RHOJ: variants seen among roughly 807,000 people sequenced by gnomAD.
RHOJ encodes rho-related GTP-binding protein RhoJ.
Under a neutral mutation model 23.4 loss-of-function variants are expected in RHOJ, and 11 were observed. That is an observed-to-expected ratio of 0.47 (90% CI 0.30 to 0.78). RHOJ has a LOEUF of 0.78. Among genes scored for constraint, RHOJ ranks in the 30% least tolerant of loss-of-function variants. The pLI, the probability that RHOJ is intolerant of heterozygous loss-of-function variation, is 0.08. For synonymous variants in RHOJ, 102 were observed against 102.7 expected, an observed-to-expected ratio of 0.99 and a Z score of 0.04; for missense variants, 254 against 273.4, an observed-to-expected ratio of 0.93 and a Z score of 0.50.
chr14:63,253,557 T>G (rs1486995070), intron 1 of RHOJ, among the ~76,000 whole-genome samples: 2 of 152,188 alleles, frequency 1.3e-5, no homozygotes, highest in African/African-American at 4.8e-5. Flanking sequence ...AATCATTTGC[T>G]TAGTTATTTT....
intron 1 of RHOJ, among the ~76,000 whole-genome samples, chr14:63,256,168 G>A (rs1427098958): frequency 2.0e-5 from 3 of 152,136 alleles, no homozygotes; most frequent in Non-Finnish European, 4.4e-5. Flanking sequence ...AGGATTACAG[G>A]TGTGAGCTAC....
chr14:63,273,624 C>T lies in RHOJ; in HGVS notation c.237+4456C>T, dbSNP rs576138314. Among the ~76,000 whole-genome samples, 5 of 152,346 alleles carry T rather than the reference C, an allele frequency of 3.3e-5. No individual in the cohort carries two copies. The South Asian group carries it at 1.0e-3, about 32-fold the overall frequency. On this transcript the variant is annotated intron_variant, in intron 2 of 4. Transcript: ENST00000316754. ...AGCCAGATGTCCTCCTACCTCACTG[C>T]AGGTCATTACAGTGGAACCAGCCAT... is the stretch of plus-strand genomic sequence containing the variant.
At position 63,282,286 on chromosome 14, in the gene RHOJ, GCACACACA is replaced by G. The variant is rs36227581; in HGVS notation, c.403-804_403-797del. ...ACAATTATCACACACACAAACACAT[GCACACACA>G]CACACACACACACACACACACACAC... is the stretch of plus-strand genomic sequence containing the variant. On this transcript the variant is annotated intron_variant, in intron 3 of 4. Coordinates refer to ENST00000316754, the MANE Select transcript of RHOJ (RefSeq NM_020663.5). Among the ~76,000 whole-genome samples, 323 of 133,274 alleles carry G rather than the reference GCACACACA, an allele frequency of 2.4e-3. 1 individual carries two copies. The highest frequency in any genetic ancestry group is 7.9e-3 in the Middle Eastern group (2 of 254). 87.4% of individuals were successfully genotyped at this position (133,274 alleles called of 152,430 possible).
intron 1 of RHOJ, among the ~76,000 whole-genome samples, chr14:63,232,086 C>T (rs1050801423): frequency 1.3e-5 from 2 of 152,092 alleles, no homozygotes; most frequent in Admixed American, 6.5e-5. Context: ...GGGAATGATG[C>T]GACATGACTT....
chr14:63,271,500 C>T (rs1269509023), intron 2 of RHOJ, among the ~76,000 whole-genome samples: 1 of 152,226 alleles, frequency 6.6e-6, no homozygotes, highest in Non-Finnish European at 1.5e-5. Context: ...ACCTGTAGGG[C>T]TTGTCAAAAC....
At chr14:63,216,748 A>G (rs1894365218) in intron 1 of RHOJ, among the ~76,000 whole-genome samples, 2 of 152,240 alleles carry the variant, frequency 1.3e-5, no homozygotes, top group Admixed American at 6.5e-5. Flanking sequence ...AGAGACAAAG[A>G]GTTGATGCTA....
intron 1 of RHOJ, among the ~76,000 whole-genome samples, chr14:63,231,188 C>T (rs925774513): frequency 7.2e-5 from 11 of 152,236 alleles, no homozygotes; most frequent in Admixed American, 5.9e-4. Flanking sequence ...CGCGCCTGGC[C>T]GAGACTTTCA....
intron 2 of RHOJ, among the ~76,000 whole-genome samples, chr14:63,274,304 C>T (rs779774598): frequency 7.9e-5 from 12 of 152,170 alleles, no homozygotes; most frequent in African/African-American, 2.4e-4. Context: ...TTCTTGCTCA[C>T]GTGTATCTTC....
chr14:63,265,805 T>G (rs1472749549), intron 1 of RHOJ, among the ~76,000 whole-genome samples: 1 of 152,210 alleles, frequency 6.6e-6, no homozygotes, highest in Non-Finnish European at 1.5e-5. Context: ...GGCTTCCAAG[T>G]CATAGGTGGA....
rs139441647 is a variant in RHOJ, at chr14:63,258,986, C to T, written c.179-10124C>T. ...ATGGAGTCTCACTCTGTTGCCCAGG[C>T]TGGAGTGCGGTGGCATGATCTTGGC... is the stretch of plus-strand genomic sequence containing the variant. On this transcript the variant is annotated intron_variant, in intron 1 of 4. Coordinates refer to ENST00000316754, the MANE Select transcript of RHOJ (RefSeq NM_020663.5). Among the ~76,000 whole-genome samples the T allele has an allele frequency of 4.4e-3, 669 of 152,312 alleles. 25 individuals carry two copies. In the East Asian group the frequency reaches 0.1, roughly 24 times the overall value.
At chr14:63,248,609 T>C (rs1895016864) in intron 1 of RHOJ, among the ~76,000 whole-genome samples, 2 of 152,270 alleles carry the variant, frequency 1.3e-5, no homozygotes, top group African/African-American at 4.8e-5. Flanking sequence ...AACTCAATAC[T>C]GATTTATATT....
chr14:63,214,711 G>T (rs904995827), intron 1 of RHOJ, among the ~76,000 whole-genome samples: 1 of 152,262 alleles, frequency 6.6e-6, no homozygotes, highest in African/African-American at 2.4e-5. Context: ...GCCTCAGGGA[G>T]TCAGACTAGA....
At chr14:63,256,127 C>T (rs1364297843) in intron 1 of RHOJ, among the ~76,000 whole-genome samples, 3 of 152,022 alleles carry the variant, frequency 2.0e-5, no homozygotes, top group South Asian at 2.1e-4. Flanking sequence ...GCTCAAGAAG[C>T]GATCCTCCTG....
chr14:63,233,204 T>C (rs1012068400), intron 1 of RHOJ, among the ~76,000 whole-genome samples: 1 of 152,192 alleles, frequency 6.6e-6, no homozygotes. Context: ...GCATGGCCTT[T>C]GAGCTCACGA....
intron 1 of RHOJ, among the ~76,000 whole-genome samples, chr14:63,260,420 T>C (rs1379709208): frequency 6.6e-6 from 1 of 152,190 alleles, no homozygotes; most frequent in East Asian, 1.9e-4. Flanking sequence ...CGAAAGCTTC[T>C]GAGAGTCAAT....
intron 1 of RHOJ, among the ~76,000 whole-genome samples, chr14:63,233,551 G>T (rs1894735012): frequency 6.6e-6 from 1 of 152,154 alleles, no homozygotes; most frequent in Admixed American, 6.5e-5. Context: ...GCTAACAACT[G>T]AAATAACAGG....
At chr14:63,282,323 CAA>C (rs1248703225) in intron 3 of RHOJ, among the ~76,000 whole-genome samples, 1 of 145,888 alleles carries the variant, frequency 6.9e-6, no homozygotes, top group Non-Finnish European at 1.5e-5. Context: ...CACACACACA[CAA>C]TTAGTAGAGC....
chr14:63,254,820 C>A (rs924310103), intron 1 of RHOJ, among the ~76,000 whole-genome samples: 1 of 152,080 alleles, frequency 6.6e-6, no homozygotes, highest in Non-Finnish European at 1.5e-5. Flanking sequence ...TCCACAGGTC[C>A]AGAAGCACAT....
rs1030885671 is a variant in RHOJ at position 63,204,698 on chromosome 14, A to G, written c.-172A>G. ...GTGTGTGTTACCTTTCTTTACCAGC[A>G]TGGTAAGCAACAGGACATATCCCAG... On this transcript the variant is annotated 5_prime_UTR_variant, in exon 1 of 5. It removes an upstream start codon present in the reference 5' UTR. Coordinates refer to ENST00000316754, the MANE Select transcript of RHOJ (RefSeq NM_020663.5). 6.3e-6 allele frequency: 4 copies of G among 634,224 alleles called. No homozygotes were observed. The highest frequency in any genetic ancestry group is 5.5e-5 in the African/African-American group (3 of 54,452). 39.3% of individuals were successfully genotyped at this position (634,224 alleles called of 1,614,324 possible). A position where few individuals can be genotyped will look rare whatever the true frequency, so the allele number is the denominator to read the frequency against.
Sources: gnomAD v4.1 joint callset for allele counts (sites outside exome capture counted in the v4.1 genomes callset) on GRCh38, gnomAD v4.1.1 for gene constraint, MANE v1.5 for transcripts, NCBI Gene and HGNC (gene_info 2026-07-23, HGNC 2026-07-21) for gene names.